PXDNL: variants seen among roughly 807,000 people sequenced by gnomAD.
The protein encoded by PXDNL is peroxidasin like.
Under a neutral mutation model 150.8 loss-of-function variants are expected in PXDNL, and 145 were observed. That is an observed-to-expected ratio of 0.96 (90% confidence interval 0.84 to 1.10). The LOEUF (loss-of-function observed/expected upper bound fraction) is 1.10, where lower values mean the gene tolerates loss of function less well. Among genes scored for constraint, PXDNL ranks in the 50% least tolerant of loss-of-function variants. The pLI is 0.00. For missense variants in PXDNL, 2,087 were observed against 1,873.9 expected (o/e 1.11, Z -2.10); for synonymous variants, 757 against 725.7 (o/e 1.04, Z -0.69).
At chr8:51,644,033 C>T (rs1401873037) in intron 2 of PXDNL, among the ~76,000 whole-genome samples, 1 of 151,618 alleles carries the variant, frequency 6.6e-6, no homozygotes, top group Non-Finnish European at 1.5e-5. Flanking sequence ...GTAGTTCCAG[C>T]TACTGGGGAG....
intron 2 of PXDNL, among the ~76,000 whole-genome samples, chr8:51,601,344 T>G (rs1563479364): frequency 1.3e-5 from 2 of 152,036 alleles, no homozygotes; most frequent in Non-Finnish European, 2.9e-5. Flanking sequence ...AATATTACTG[T>G]GTGGCTGTCT....
intron 1 of PXDNL, among the ~76,000 whole-genome samples, chr8:51,668,381 G>C (rs191033259): frequency 1.2e-3 from 186 of 151,792 alleles, no homozygotes; most frequent in African/African-American, 4.3e-3. Flanking sequence ...CACCATGCTG[G>C]CCAGGCTGGT....
Position 51,426,867 on chromosome 8 carries a change from A to C in PXDNL, c.1526-109T>G, listed in dbSNP as rs538927833. 7.8e-4 allele frequency: 485 copies of C among 621,678 alleles called. 3 individuals are homozygous for C. In the African/African-American group the frequency reaches 8.2e-3, roughly 10 times the overall value. 38.5% of individuals were successfully genotyped at this position (621,678 alleles called of 1,614,324 possible). On this transcript the variant is annotated intron_variant, in intron 12 of 22. Coordinates refer to ENST00000356297, the MANE Select transcript of PXDNL (RefSeq NM_144651.5). ...GAATGCCATATTGGTTAAGCACACT[A>C]GTTTTTTAAAAATCAATTACTTGGA...
chr8:51,561,292 T>C (rs1812714428), intron 3 of PXDNL, among the ~76,000 whole-genome samples: 1 of 151,938 alleles, frequency 6.6e-6, no homozygotes, highest in Admixed American at 6.6e-5. Context: ...AGTAGAGATA[T>C]CTGCACACAC....
intron 19 of PXDNL, among the ~76,000 whole-genome samples, chr8:51,362,025 T>G (rs906259531): frequency 2.6e-5 from 4 of 151,722 alleles, no homozygotes; most frequent in African/African-American, 9.7e-5. Flanking sequence ...GGATGCCTAT[T>G]GATAGGCAAA....
At chr8:51,439,632 C>T (rs1430443867) in intron 12 of PXDNL, among the ~76,000 whole-genome samples, 2 of 151,908 alleles carry the variant, frequency 1.3e-5, no homozygotes, top group Non-Finnish European at 2.9e-5. Flanking sequence ...CAAGACCAGC[C>T]TGGCCAACAG....
chr8:51,632,775 C>G (rs1459560580), intron 2 of PXDNL, among the ~76,000 whole-genome samples: 1 of 152,112 alleles, frequency 6.6e-6, no homozygotes, highest in Non-Finnish European at 1.5e-5. Context: ...AATATCTTCC[C>G]TAACCAAATA....
intron 1 of PXDNL, among the ~76,000 whole-genome samples, chr8:51,748,933 T>C (rs1285732748): frequency 6.6e-6 from 1 of 152,216 alleles, no homozygotes; most frequent in Non-Finnish European, 1.5e-5. Flanking sequence ...AGAAACTCAA[T>C]TTATTTAAAA....
intron 2 of PXDNL, among the ~76,000 whole-genome samples, chr8:51,631,311 G>T (rs555407405): frequency 6.6e-6 from 1 of 152,144 alleles, no homozygotes; most frequent in East Asian, 1.9e-4. Flanking sequence ...GAAAAAAATT[G>T]AGAAACTACC....
intron 1 of PXDNL, among the ~76,000 whole-genome samples, chr8:51,753,776 C>T (rs1191618175): frequency 6.6e-6 from 1 of 152,196 alleles, no homozygotes; most frequent in African/African-American, 2.4e-5. Flanking sequence ...TGATCATCTA[C>T]AGCAAACAGG....
At chr8:51,435,472 AT>A (rs1180526712) in intron 12 of PXDNL, 2 of 146,262 alleles carry the variant, frequency 1.4e-5, no homozygotes, top group Non-Finnish European at 3.0e-5. Flanking sequence ...GCCTGGTAGA[AT>A]GGCTGAAATA....
chr8:51,562,243 CT>C (rs1812733892), intron 3 of PXDNL, among the ~76,000 whole-genome samples: 2 of 151,560 alleles, frequency 1.3e-5, no homozygotes, highest in East Asian at 1.9e-4. Flanking sequence ...TTTGTGCTAT[CT>C]TTTTTTATAA....
Position 51,673,018 on chromosome 8 carries a change from C to T in PXDNL, c.165-18258G>A, listed in dbSNP as rs75488701. ...CAGATAAATCATATTAGAGGAGAAA[C>T]GATTGAAAAAAATCTGAGGGGTGTT... On this transcript the variant is annotated intron_variant, in intron 1 of 22. Coordinates refer to ENST00000356297, the MANE Select transcript of PXDNL (RefSeq NM_144651.5). Among the ~76,000 whole-genome samples the T allele has an allele frequency of 5.5e-3, 832 of 151,672 alleles. 3 individuals are homozygous for T. The highest frequency in any genetic ancestry group is 0.017 in the African/African-American group (718 of 41,368).
chr8:51,752,230 C>T (rs990430389), intron 1 of PXDNL, among the ~76,000 whole-genome samples: 4 of 152,168 alleles, frequency 2.6e-5, no homozygotes, highest in Admixed American at 6.5e-5. Context: ...ACCCTTATCT[C>T]GTCTCCTGTT....
intron 6 of PXDNL, among the ~76,000 whole-genome samples, chr8:51,482,259 G>A (rs1810621341): frequency 6.6e-6 from 1 of 152,170 alleles, no homozygotes; most frequent in Admixed American, 6.5e-5. Context: ...CTGCCCCACT[G>A]GATTTTGGAC....
intron 1 of PXDNL, among the ~76,000 whole-genome samples, chr8:51,708,190 G>C (rs1234791866): frequency 2.0e-5 from 3 of 152,190 alleles, no homozygotes; most frequent in Admixed American, 1.3e-4. Flanking sequence ...AGTTGAAAGA[G>C]AGAAAAACAG....
chr8:51,782,750 C>T (rs755713348), intron 1 of PXDNL, among the ~76,000 whole-genome samples: 1 of 152,174 alleles, frequency 6.6e-6, no homozygotes, highest in Non-Finnish European at 1.5e-5. Context: ...AGTCATGGTA[C>T]TTATCATGAA....
intron 1 of PXDNL, among the ~76,000 whole-genome samples, chr8:51,795,111 T>C (rs1217969879): frequency 6.6e-6 from 1 of 152,190 alleles, no homozygotes; most frequent in Admixed American, 6.5e-5. Context: ...TAAATGTATA[T>C]GCACAAAATA....
chr8:51,700,911 A>G (rs546510452), intron 1 of PXDNL, among the ~76,000 whole-genome samples: 1 of 152,072 alleles, frequency 6.6e-6, no homozygotes, highest in East Asian at 1.9e-4. Flanking sequence ...CTATACATAC[A>G]CAATATACTC....
Sources: allele counts gnomAD v4.1 joint callset (sites outside exome capture counted in the v4.1 genomes callset), GRCh38; gene constraint gnomAD v4.1.1; transcripts MANE v1.5; gene names NCBI Gene and HGNC (gene_info 2026-07-23, HGNC 2026-07-21).